The following UBE2D3 variants were observed in gnomAD, a reference collection of about 807,000 sequenced individuals.
The protein encoded by UBE2D3 is ubiquitin-conjugating enzyme E2 D3.
In UBE2D3, 2 loss-of-function variants were observed where a neutral mutation model predicts 22.8. That is an observed-to-expected ratio of 0.09 (90% confidence interval 0.04 to 0.28). The LOEUF is 0.28. Ranked by LOEUF, UBE2D3 falls within the 10% of genes least tolerant of loss-of-function variation. The pLI is 1.00. For synonymous variants in UBE2D3, 56 were observed against 60.4 expected (o/e 0.93, Z 0.34); for missense variants, 27 against 182.5 (o/e 0.15, Z 4.91).
At chr4:102,824,195 T>C (rs1041605871) in intron 2 of UBE2D3, among the ~76,000 whole-genome samples, 5 of 152,230 alleles carry the variant, frequency 3.3e-5, no homozygotes, top group Admixed American at 3.3e-4. Flanking sequence ...TGCCAAGTTT[T>C]TATGTTGTGT....
At chr4:102,867,082 T>A (rs1156482399) in intron 1 of UBE2D3, among the ~76,000 whole-genome samples, 1 of 152,238 alleles carries the variant, frequency 6.6e-6, no homozygotes, top group Non-Finnish European at 1.5e-5. Context: ...AACATGAACC[T>A]GTATCTAAAC....
intron 4 of UBE2D3, among the ~76,000 whole-genome samples, chr4:102,805,176 G>A (rs181626986): frequency 2.6e-5 from 4 of 152,158 alleles, no homozygotes; most frequent in Non-Finnish European, 5.9e-5. Flanking sequence ...ATATTTCAAT[G>A]TTACAATTTA....
intron 1 of UBE2D3, among the ~76,000 whole-genome samples, chr4:102,867,394 T>C (rs946553252): frequency 1.1e-4 from 16 of 152,224 alleles, no homozygotes; most frequent in African/African-American, 2.9e-4. Flanking sequence ...TTATTATATG[T>C]TGTTAAGTGT....
intron 4 of UBE2D3, among the ~76,000 whole-genome samples, chr4:102,804,209 T>G (rs1363627936): frequency 3.9e-5 from 6 of 152,088 alleles, no homozygotes; most frequent in Non-Finnish European, 8.8e-5. Flanking sequence ...TTGCCCAAGC[T>G]CGAGTAAAAT....
At chr4:102,820,754 A>C (rs1358730627) in intron 2 of UBE2D3, among the ~76,000 whole-genome samples, 1 of 152,186 alleles carries the variant, frequency 6.6e-6, no homozygotes, top group Non-Finnish European at 1.5e-5. Context: ...AAACAAAAAA[A>C]ACAAAGATTA....
chr4:102,822,604 T>A (rs1000348281), intron 2 of UBE2D3, among the ~76,000 whole-genome samples: 2 of 152,176 alleles, frequency 1.3e-5, no homozygotes, highest in African/African-American at 4.8e-5. Flanking sequence ...GCAGCTTATT[T>A]CAGGTAACAA....
At chr4:102,854,246 AT>A (rs1319002632) in intron 1 of UBE2D3, among the ~76,000 whole-genome samples, 2 of 152,080 alleles carry the variant, frequency 1.3e-5, no homozygotes, top group South Asian at 2.1e-4. Context: ...AACAAATGTT[AT>A]TTTTATATTG....
chr4:102,805,847 C>G (rs543853945), intron 4 of UBE2D3, among the ~76,000 whole-genome samples: 1 of 152,244 alleles, frequency 6.6e-6, no homozygotes, highest in Admixed American at 6.5e-5. Context: ...GTCTCAATCC[C>G]TTTTTTCCTG....
At chr4:102,816,988 T>C (rs1728864580) in intron 2 of UBE2D3, among the ~76,000 whole-genome samples, 1 of 152,232 alleles carries the variant, frequency 6.6e-6, no homozygotes, top group Admixed American at 6.5e-5. Flanking sequence ...CTGAGAATCC[T>C]GAAAAACCAA....
upstream of UBE2D3, chr4:102,828,038 C>T: frequency 2.0e-6 from 2 of 985,458 alleles, no homozygotes; most frequent in African/African-American, 1.7e-5. Context: ...GTGCGCTTTT[C>T]CTGACGGGGT....
At chr4:102,798,295 T>TATATATATATATATATATATGC (rs796347600) in intron 7 of UBE2D3, among the ~76,000 whole-genome samples, 2 of 147,952 alleles carry the variant, frequency 1.4e-5, no homozygotes, top group African/African-American at 2.5e-5. Context: ...TATATATATA[T>TATATATATATATATATATATGC]ATGCACAGGA....
chr4:102,809,119 A>G (rs771435878), intron 4 of UBE2D3: 4 of 290,962 alleles, frequency 1.4e-5, no homozygotes, highest in Non-Finnish European at 2.3e-5. Flanking sequence ...GATGGTATCC[A>G]TAATTCTGAA....
chr4:102,803,821 C>A (rs761291146), intron 4 of UBE2D3, among the ~76,000 whole-genome samples: 1 of 152,148 alleles, frequency 6.6e-6, no homozygotes, highest in Admixed American at 6.5e-5. Flanking sequence ...CAGGCTTAAG[C>A]GCAGTGGCAC....
At chr4:102,804,799 C>T (rs71597131) in intron 4 of UBE2D3, among the ~76,000 whole-genome samples, 8 of 152,206 alleles carry the variant, frequency 5.3e-5, no homozygotes, top group East Asian at 3.9e-4. Context: ...CTCACCCTCC[C>T]GAGTAGCTGG....
At chr4:102,827,821 G>C, upstream of UBE2D3, 1 of 986,586 alleles carries the variant, frequency 1.0e-6, no homozygotes, top group Non-Finnish European at 1.2e-6. Flanking sequence ...ACGAGTGGCG[G>C]AAACCCTTAG....
At chr4:102,836,177 C>T (rs1157025603) in intron 1 of UBE2D3, among the ~76,000 whole-genome samples, 2 of 123,356 alleles carry the variant, frequency 1.6e-5, no homozygotes, top group Admixed American at 9.7e-5. Context: ...GACTGAGTCT[C>T]ACTCTGTCAC....
intron 7 of UBE2D3, among the ~76,000 whole-genome samples, chr4:102,798,663 G>A (rs1725622381): frequency 6.7e-6 from 1 of 148,790 alleles, no homozygotes. Context: ...CACCATGATA[G>A]TTTGAAAAAA....
intron 2 of UBE2D3, chr4:102,825,626 G>T: frequency 1.7e-6 from 2 of 1,184,856 alleles, no homozygotes; most frequent in South Asian, 1.3e-5. Flanking sequence ...AAAAATCCTA[G>T]TTTTTTTTCA....
chr4:102,837,631 T>C (rs905486270), intron 1 of UBE2D3, among the ~76,000 whole-genome samples: 1 of 152,080 alleles, frequency 6.6e-6, no homozygotes, highest in Non-Finnish European at 1.5e-5. Context: ...GAGACAAGCT[T>C]AGGCAACACA....
Sources: gnomAD v4.1 joint callset for allele counts (sites outside exome capture counted in the v4.1 genomes callset) on GRCh38, gnomAD v4.1.1 for gene constraint, MANE v1.5 for transcripts, NCBI Gene and HGNC (gene_info 2026-07-23, HGNC 2026-07-21) for gene names.